Variants in SPPL2A observed in about 807,000 individuals in gnomAD.
SPPL2A encodes signal peptide peptidase like 2A, also known as signal peptide peptidase-like 2A.
In SPPL2A, 51 loss-of-function variants were observed where a neutral mutation model predicts 63.8. The observed-to-expected ratio is 0.80, with a 90% CI of 0.64 to 1.01. The LOEUF is 1.01. Among genes scored for constraint, SPPL2A ranks in the 50% least tolerant of loss-of-function variants. The pLI is 0.00. For synonymous variants in SPPL2A, 188 were observed against 205.8 expected (o/e 0.91, Z 0.74); for missense variants, 553 against 622.7 (o/e 0.89, Z 1.19).
intron 14 of SPPL2A, among the ~76,000 whole-genome samples, chr15:50,712,773 C>A (rs1048944764): frequency 1.2e-4 from 18 of 149,914 alleles, no homozygotes; most frequent in African/African-American, 3.4e-4. Flanking sequence ...TCAACCTCTG[C>A]CTCCCAGGTT....
intron 12 of SPPL2A, among the ~76,000 whole-genome samples, chr15:50,722,812 T>C (rs1278580581): frequency 6.6e-6 from 1 of 152,184 alleles, no homozygotes; most frequent in African/African-American, 2.4e-5. Flanking sequence ...CAAATGGGTT[T>C]ACATCAAACT....
Position 50,736,714 on chromosome 15 carries a change from T to C in SPPL2A, c.760A>G (p.Ile254Val), listed in dbSNP as rs200412473. 3.2e-5 allele frequency: 52 copies of C among 1,605,362 alleles called. No homozygotes were observed. The highest frequency in any genetic ancestry group is 2.2e-4 in the East Asian group (10 of 44,704). ...LVYVMIAIFC[I>V]ASAMSLYNCL... ...TTGTACAGACTCATTGCTGATGCTATGCAGAAAATTGCTATCATAACATAA... is the reference window on the plus strand; with the variant it reads ...TTGTACAGACTCATTGCTGATGCTACGCAGAAAATTGCTATCATAACATAA... Residue 254 changes from isoleucine to valine, a missense_variant, in exon 7 of 15, where the codon ATA becomes GTA. Physicochemically the swap from Ile to Val is conservative, Grantham distance 29. Coordinates refer to ENST00000261854, the MANE Select transcript of SPPL2A (RefSeq NM_032802.4).
At chr15:50,762,028 T>C (rs2063016063) in intron 1 of SPPL2A, among the ~76,000 whole-genome samples, 1 of 151,896 alleles carries the variant, frequency 6.6e-6, no homozygotes. Flanking sequence ...GTTCTGACCA[T>C]TGTGACCCAG....
At chr15:50,752,402 CA>C (rs1202003056) in intron 1 of SPPL2A, among the ~76,000 whole-genome samples, 1 of 151,296 alleles carries the variant, frequency 6.6e-6, no homozygotes, top group African/African-American at 2.4e-5. Flanking sequence ...GCCGATATGG[CA>C]AAACCCCGTC....
chr15:50,708,663 G>A (rs1316199853), intron 14 of SPPL2A, among the ~76,000 whole-genome samples: 2 of 148,308 alleles, frequency 1.3e-5, no homozygotes, highest in Non-Finnish European at 3.0e-5. Context: ...CCGAGATCAC[G>A]CCACTGCACT....
rs1567152522 is a variant in SPPL2A at position 50,722,131 on chromosome 15, A to C, written c.1320T>G (p.Ser440=). ...TGSSYIYYVS[S]TVAYAIGMIL... ...AGAAAAACAAAAATTTACCAACTGT[A>C]GACGAAACATAGTATATGTAAGAAG... The change falls in exon 13 of 15, where the codon TCT becomes TCG. Residue 440 remains serine, a synonymous_variant. Coordinates refer to ENST00000261854, the MANE Select transcript of SPPL2A (RefSeq NM_032802.4). The C allele has an allele frequency of 6.4e-7, 1 of 1,557,208 alleles. No homozygotes were observed. Among genetic ancestry groups the C allele is most frequent in the Non-Finnish European group, 8.8e-7 (1 of 1,131,488 alleles).
At chr15:50,748,286 C>T (rs971359961) in intron 3 of SPPL2A, 84 bp from the exon 4 acceptor site, 105 of 540,024 alleles carry the variant, frequency 1.9e-4, no homozygotes, top group African/African-American at 7.9e-4. Flanking sequence ...ATAAATATTA[C>T]GTCTTTCTTT....
chr15:50,747,727 C>T (rs2062869976), intron 4 of SPPL2A, 99 bp from the exon 5 acceptor site: 1 of 811,020 alleles, frequency 1.2e-6, no homozygotes, highest in East Asian at 2.5e-5. Flanking sequence ...GGACATTATA[C>T]ATCAGACAGT....
Position 50,706,894 on chromosome 15 carries a change from T to C in SPPL2A, c.*906A>G, listed in dbSNP as rs1199693729. ...TAGTTCTATATATTATGTTTCTCTA[T>C]ATCTGGAAAAATGTTCTTAATATAA... On this transcript the variant is annotated 3_prime_UTR_variant, in exon 15 of 15. Transcript: ENST00000261854. The C allele has an allele frequency of 1.3e-5, 2 of 152,096 alleles. No homozygotes were observed. Among genetic ancestry groups the C allele is most frequent in the African/African-American group, 4.8e-5 (2 of 41,426 alleles). 9.4% of individuals were successfully genotyped at this position (152,096 alleles called of 1,614,324 possible).
chr15:50,756,745 A>G (rs1305670472), intron 1 of SPPL2A, among the ~76,000 whole-genome samples: 1 of 152,112 alleles, frequency 6.6e-6, no homozygotes, highest in African/African-American at 2.4e-5. Flanking sequence ...TTTAAGAGGT[A>G]GAAGGGATTT....
intron 1 of SPPL2A, among the ~76,000 whole-genome samples, chr15:50,755,178 C>T (rs1240434746): frequency 1.3e-5 from 2 of 151,498 alleles, no homozygotes; most frequent in Non-Finnish European, 2.9e-5. Context: ...ATCAGCCAAG[C>T]GTGGTGGCAC....
At chr15:50,709,799 T>TA (rs1225183238) in intron 14 of SPPL2A, among the ~76,000 whole-genome samples, 6 of 150,242 alleles carry the variant, frequency 4.0e-5, no homozygotes, top group South Asian at 4.2e-4. Flanking sequence ...CTCAAAAAAA[T>TA]AAAAAAAATA....
At chr15:50,712,679 C>CCCTT (rs35199045) in intron 14 of SPPL2A, among the ~76,000 whole-genome samples, 12 of 102,938 alleles carry the variant, frequency 1.2e-4, no homozygotes, top group East Asian at 2.8e-4. Context: ...CTCCCCCCCC[C>CCCTT]TTTTTTTTTT....
intron 3 of SPPL2A, 75 bp downstream of exon 3, chr15:50,748,613 A>G (rs1196056025): frequency 1.0e-6 from 1 of 1,004,900 alleles, no homozygotes; most frequent in African/African-American, 1.7e-5. Context: ...AACCACACAC[A>G]AAGACGTTAA....
Position 50,707,586 on chromosome 15 carries a change from C to A in SPPL2A, c.*214G>T. On this transcript the variant is annotated 3_prime_UTR_variant, in exon 15 of 15. Transcript: ENST00000261854. ...AGTACATCTCGGAAACTACACAGACCATATGTTTTATTTAATGTGAAGGCA... is the reference window on the plus strand; with the variant it reads ...AGTACATCTCGGAAACTACACAGACAATATGTTTTATTTAATGTGAAGGCA... The A allele has an allele frequency of 3.8e-6, 2 of 521,856 alleles. No individual in the cohort carries two copies. Among genetic ancestry groups the A allele is most frequent in the South Asian group, 2.8e-5 (1 of 35,748 alleles). 32.3% of individuals were successfully genotyped at this position (521,856 alleles called of 1,614,324 possible). A position where few individuals can be genotyped will look rare whatever the true frequency, so the allele number is the denominator to read the frequency against.
intron 6 of SPPL2A, among the ~76,000 whole-genome samples, chr15:50,737,140 G>A (rs1361430716): frequency 1.3e-5 from 2 of 152,052 alleles, no homozygotes; most frequent in Admixed American, 6.6e-5. Context: ...TCAAAGTCCC[G>A]ACCTCAGGTG....
Position 50,747,623 on chromosome 15 carries a change from T to C in SPPL2A, c.456A>G (p.Leu152=). 5 of 1,604,214 alleles carry C rather than the reference T, an allele frequency of 3.1e-6. No individual in the cohort carries two copies. Among genetic ancestry groups the C allele is most frequent in the Non-Finnish European group, 4.3e-6 (5 of 1,175,518 alleles). Residue 152 remains leucine, a synonymous_variant, in exon 5 of 15, where the codon CTA becomes CTG. Transcript: ENST00000261854. ...ACATTTTCACAGTAATGTTATCTCC[T>C]AGAGTCTGAAAGGCAAAATAACAGT... ...YKDFRDMNQT[L]GDNITVKMYS... is the part of the protein sequence containing the mutation.
chr15:50,762,917 T>C (rs1454424320), intron 1 of SPPL2A, among the ~76,000 whole-genome samples: 3 of 149,070 alleles, frequency 2.0e-5, no homozygotes. Context: ...TTTTTTGTAT[T>C]TTTTTTTAGT....
chr15:50,747,675 A>T, intron 4 of SPPL2A, 47 bp from the exon 5 acceptor site: 2 of 1,435,810 alleles, frequency 1.4e-6, no homozygotes, highest in Non-Finnish European at 1.9e-6. Flanking sequence ...TTTTCTTTCT[A>T]CTATAGTCAT....
Sources: allele counts gnomAD v4.1 joint callset (sites outside exome capture counted in the v4.1 genomes callset), GRCh38; gene constraint gnomAD v4.1.1; transcripts MANE v1.5; gene names NCBI Gene and HGNC (gene_info 2026-07-23, HGNC 2026-07-21).